EPHX1: variants seen among roughly 807,000 people sequenced by gnomAD.
EPHX1 encodes the protein epoxide hydrolase 1.
Under a neutral mutation model 43.2 loss-of-function variants are expected in EPHX1, and 40 were observed. The observed-to-expected ratio is 0.93, with a 90% CI of 0.72 to 1.21. EPHX1 has a LOEUF of 1.21. Among genes scored for constraint, EPHX1 ranks in the 50% most tolerant of loss-of-function variants. The probability of loss-of-function intolerance (pLI) is 0.00; values close to 1 mark genes in which losing one functional copy is unlikely to be tolerated. For synonymous variants in EPHX1, 221 were observed against 226.7 expected, an observed-to-expected ratio of 0.98 and a Z score of 0.22; for missense variants, 550 against 570.4, an observed-to-expected ratio of 0.96 and a Z score of 0.36.
chr1:225,827,166 A>G (rs1311918113), intron 1 of EPHX1, among the ~76,000 whole-genome samples: 1 of 152,170 alleles, frequency 6.6e-6, no homozygotes, highest in African/African-American at 2.4e-5. Flanking sequence ...GCAGAGTCCC[A>G]AACATCTGAC....
At position 225,845,364 on chromosome 1, in the gene EPHX1, C is replaced by G. The variant is rs374252395; in HGVS notation, c.*17C>G. 1.2e-5 allele frequency: 18 copies of G among 1,563,824 alleles called. No homozygotes were observed. In the East Asian group the frequency reaches 1.2e-4, roughly 10 times the overall value. On this transcript the variant is annotated 3_prime_UTR_variant, in exon 9 of 9. Transcript: ENST00000272167. The stretch of plus-strand genomic sequence containing the variant: ...CGGCAATGACCCACCCCTCTCCCCC[C>G]GCCTGCCACCTCCCCCCACAAGTGC...
At chr1:225,810,389 A>G (rs1179702451) in intron 1 of EPHX1, 1 of 151,974 alleles carries the variant, frequency 6.6e-6, no homozygotes, top group Non-Finnish European at 1.5e-5. Context: ...AGGAGCCTGC[A>G]GGCGACCGCG....
chr1:225,827,575 T>C lies in EPHX1; in HGVS notation c.-5-1150T>C, dbSNP rs184081647. Among the ~76,000 whole-genome samples the C allele has an allele frequency of 1.5e-4, 23 of 152,272 alleles. No homozygotes were observed. The East Asian group carries it at 4.1e-3, about 27-fold the overall frequency. ...GGGGATTAAAAGACAACTGAGTTGA[T>C]GTGAAATGTAACAGGCAACACTATG... is the stretch of plus-strand genomic sequence containing the variant. On this transcript the variant is annotated intron_variant, in intron 1 of 8. Transcript: ENST00000272167.
In EPHX1 at chr1:225,844,570, G is replaced by A. The variant is rs1293071459; in HGVS notation, c.1113G>A (p.Gln371=). ...YWTTGTIISS[Q]RFYKENLGQG... ...CAACAGGCACCATCATCTCCTCCCA[G>A]CGCTTCTACAAGGAGAACCTGGGAC... is the stretch of plus-strand genomic sequence containing the variant. Residue 371 remains glutamine (Q), a synonymous_variant, in exon 8 of 9, where the codon CAG becomes CAA. Coordinates refer to ENST00000272167, the MANE Select transcript of EPHX1 (RefSeq NM_001136018.4). 4 of 1,614,016 alleles carry A rather than the reference G, an allele frequency of 2.5e-6. No homozygotes were observed. In the African/African-American group the frequency reaches 5.3e-5, roughly 22 times the overall value.
At chr1:225,837,038 T>C (rs1300039648) in intron 3 of EPHX1, among the ~76,000 whole-genome samples, 1 of 152,228 alleles carries the variant, frequency 6.6e-6, no homozygotes, top group African/African-American at 2.4e-5. Flanking sequence ...CATGCTAACA[T>C]AAAATATTAA....
chr1:225,845,259 T>C lies in EPHX1; in HGVS notation c.1280T>C (p.Val427Ala), dbSNP rs753692432. ...YPKLISYSYM[V>A]RGGHFAAFEE... ...AAGCTCATCTCCTATTCCTACATGG[T>C]TCGTGGGGGCCACTTTGCGGCCTTT... The change falls in exon 9 of 9, where the codon GTT becomes GCT. Residue 427 changes from valine (V) to alanine (A), a missense_variant. Val to Ala is a moderately conservative substitution (Grantham distance 64). Coordinates refer to ENST00000272167, the MANE Select transcript of EPHX1 (RefSeq NM_001136018.4). 1.2e-6 allele frequency: 2 copies of C among 1,613,774 alleles called. No individual in the cohort carries two copies. Among genetic ancestry groups the C allele is most frequent in the African/African-American group, 1.3e-5 (1 of 74,934 alleles).
chr1:225,833,826 C>G lies in EPHX1; in HGVS notation c.364+1867C>G, dbSNP rs560142585. ...AAAAAAAAAAAAACAGGCTGGGCGC[C>G]GTGGCTCACGCCTGTAATCCCAGCA... On this transcript the variant is annotated intron_variant, in intron 3 of 8. Transcript: ENST00000272167. Among the ~76,000 whole-genome samples the G allele has an allele frequency of 4.6e-3, 630 of 138,294 alleles. 1 individual carries two copies. The highest frequency in any genetic ancestry group is 6.4e-3 in the South Asian group (27 of 4,188). 90.7% of individuals were successfully genotyped at this position (138,294 alleles called of 152,430 possible).
chr1:225,835,388 T>C (rs1238448406), intron 3 of EPHX1, among the ~76,000 whole-genome samples: 1 of 147,524 alleles, frequency 6.8e-6, no homozygotes, highest in East Asian at 2.0e-4. Flanking sequence ...TAGGCTTTTT[T>C]TTTTTTTTTT....
chr1:225,823,794 C>T (rs1269437002), intron 1 of EPHX1, among the ~76,000 whole-genome samples: 1 of 152,160 alleles, frequency 6.6e-6, no homozygotes, highest in Non-Finnish European at 1.5e-5. Flanking sequence ...GCGATGTTCG[C>T]TTTCACCAGC....
chr1:225,815,663 C>T (rs556043749), intron 1 of EPHX1, among the ~76,000 whole-genome samples: 1 of 152,272 alleles, frequency 6.6e-6, no homozygotes, highest in Admixed American at 6.5e-5. Flanking sequence ...TAAGCATTGC[C>T]ACAAACAAAC....
intron 6 of EPHX1, 120 bp from the exon 7 acceptor site, chr1:225,842,246 C>T (rs566154688): frequency 2.4e-5 from 19 of 778,778 alleles, no homozygotes; most frequent in East Asian, 2.2e-4. Context: ...GGCCTGTGCT[C>T]GAACGTGGCT....
At chr1:225,820,005 G>C (rs1227771945) in intron 1 of EPHX1, among the ~76,000 whole-genome samples, 1 of 152,188 alleles carries the variant, frequency 6.6e-6, no homozygotes, top group East Asian at 1.9e-4. Flanking sequence ...GACAGCTGCG[G>C]TGAACCTTTG....
intron 4 of EPHX1, 86 bp downstream of exon 4, chr1:225,838,967 G>A (rs567034169): frequency 4.0e-6 from 6 of 1,509,460 alleles, no homozygotes; most frequent in Admixed American, 3.4e-5. Flanking sequence ...TTCCGGCGGG[G>A]TGAGCAGGGA....
intron 1 of EPHX1, among the ~76,000 whole-genome samples, chr1:225,823,692 G>A (rs1484814997): frequency 6.6e-6 from 1 of 152,160 alleles, no homozygotes; most frequent in Non-Finnish European, 1.5e-5. Context: ...GGGAGGGGAG[G>A]GTTCTCATCT....
rs571711200 is a variant in EPHX1 at position 225,825,309 on chromosome 1, C to T, written c.-5-3416C>T. The T allele has an allele frequency of 3.3e-5, 5 of 152,464 alleles. No individual in the cohort carries two copies. In the South Asian group the frequency reaches 6.2e-4, roughly 19 times the overall value. The allele number at this position is 152,464 out of a possible 1,614,324, so 9.4% of individuals were successfully genotyped here. On this transcript the variant is annotated intron_variant, in intron 1 of 8. Transcript: ENST00000272167. ...CAGGACTGTGCAATTGTCAGAAGGC[C>T]GTGGGGAGTGGGGGCCAGTGCCTGC...
In EPHX1 at chr1:225,828,801, G is replaced by A. The variant is rs1008174065; in HGVS notation, c.72G>A (p.Glu24=). ...ACTGGTTCATCTCCCGGGACAAAGAGGAAACTTTGCCACTTGAAGATGGGT... is the reference window on the plus strand; with the variant it reads ...ACTGGTTCATCTCCCGGGACAAAGAAGAAACTTTGCCACTTGAAGATGGGT... ...AIYWFISRDK[E]ETLPLEDGWW... The change falls in exon 2 of 9, where the codon GAG becomes GAA. Residue 24 remains glutamate, a synonymous_variant. Transcript: ENST00000272167. 2 of 1,613,952 alleles carry A rather than the reference G, an allele frequency of 1.2e-6. No homozygotes were observed.
At chr1:225,824,236 A>G (rs577427193) in intron 1 of EPHX1, among the ~76,000 whole-genome samples, 2 of 151,980 alleles carry the variant, frequency 1.3e-5, no homozygotes, top group East Asian at 1.9e-4. Context: ...GAGAAAAGCT[A>G]TGCAGGCCTG....
intron 6 of EPHX1, 56 bp from the exon 7 acceptor site, chr1:225,842,310 T>C: frequency 1.5e-6 from 2 of 1,319,558 alleles, no homozygotes; most frequent in Non-Finnish European, 2.2e-6. Context: ...CACCTGAAGC[T>C]CCAGCTCTCT....
intron 1 of EPHX1, among the ~76,000 whole-genome samples, chr1:225,810,847 C>T (rs762337244): frequency 6.6e-6 from 1 of 152,024 alleles, no homozygotes. Flanking sequence ...ACAATGTCAT[C>T]AGTTAAGGCA....
Sources: allele counts gnomAD v4.1 joint callset (sites outside exome capture counted in the v4.1 genomes callset), GRCh38; gene constraint gnomAD v4.1.1; transcripts MANE v1.5; gene names NCBI Gene and HGNC (gene_info 2026-07-23, HGNC 2026-07-21).